The following SND1 variants were observed in gnomAD, a reference collection of about 807,000 sequenced individuals.
The protein encoded by SND1 is staphylococcal nuclease and tudor domain containing 1, also known as staphylococcal nuclease domain-containing protein 1.
A neutral mutation model predicts 121.7 loss-of-function variants in SND1; 38 were observed. The observed-to-expected ratio is 0.31, with a 90% CI of 0.24 to 0.41. The LOEUF is 0.41. SND1 is among the 10% of genes least tolerant of loss of function. The pLI is 1.00. For synonymous variants in SND1, 401 were observed against 447.4 expected (o/e 0.90, Z 1.31); for missense variants, 868 against 1,184.6 (o/e 0.73, Z 3.92).
chr7:127,946,984 A>G (rs1357474025), intron 15 of SND1, among the ~76,000 whole-genome samples: 4 of 44,072 alleles, frequency 9.1e-5, no homozygotes, highest in Non-Finnish European at 1.8e-4. Context: ...TCCATCTCAT[A>G]TAGAAAATAT....
intron 1 of SND1, among the ~76,000 whole-genome samples, chr7:127,664,089 G>A (rs751616191): frequency 4.6e-5 from 7 of 152,090 alleles, no homozygotes; most frequent in Non-Finnish European, 8.8e-5. Context: ...GCAGTGGTGC[G>A]ACCACAACTC....
intron 11 of SND1, among the ~76,000 whole-genome samples, chr7:127,834,502 C>G (rs1020742221): frequency 3.3e-5 from 5 of 152,096 alleles, no homozygotes; most frequent in Non-Finnish European, 7.4e-5. Flanking sequence ...GCAGGATGGT[C>G]TTTGATCGGT....
chr7:128,005,091 C>G (rs1802928115), intron 16 of SND1, among the ~76,000 whole-genome samples: 1 of 152,212 alleles, frequency 6.6e-6, no homozygotes, highest in Admixed American at 6.5e-5. Flanking sequence ...CTTTCCTGTC[C>G]AGAATTATAG....
intron 12 of SND1, among the ~76,000 whole-genome samples, chr7:127,868,818 A>T (rs1799524634): frequency 6.6e-6 from 1 of 152,110 alleles, no homozygotes; most frequent in Non-Finnish European, 1.5e-5. Context: ...CATGAACATT[A>T]TATGGTTGTT....
intron 13 of SND1, among the ~76,000 whole-genome samples, chr7:127,893,277 G>A (rs1191018753): frequency 1.3e-5 from 2 of 152,126 alleles, no homozygotes; most frequent in East Asian, 3.9e-4. Flanking sequence ...TGTTGAGCAT[G>A]TTATGGACAC....
intron 10 of SND1, among the ~76,000 whole-genome samples, chr7:127,786,769 G>A (rs1482894019): frequency 1.3e-5 from 2 of 151,848 alleles, no homozygotes; most frequent in African/African-American, 2.4e-5. Flanking sequence ...TCAGCCTCCC[G>A]TGTAGCTGGG....
At chr7:127,702,923 G>A (rs1796128591) in intron 6 of SND1, among the ~76,000 whole-genome samples, 1 of 152,124 alleles carries the variant, frequency 6.6e-6, no homozygotes. Context: ...ACTTTTTACT[G>A]TAATTAAAAT....
intron 10 of SND1, among the ~76,000 whole-genome samples, chr7:127,746,153 T>C (rs1477270697): frequency 6.6e-6 from 1 of 152,186 alleles, no homozygotes; most frequent in African/African-American, 2.4e-5. Flanking sequence ...AGGGAAACGG[T>C]AGGGAGTACC....
chr7:127,830,787 C>T (rs1430518520), intron 11 of SND1, among the ~76,000 whole-genome samples: 1 of 152,112 alleles, frequency 6.6e-6, no homozygotes, highest in East Asian at 1.9e-4. Flanking sequence ...TCTACTGAAA[C>T]TGTTCTTCCC....
intron 17 of SND1, among the ~76,000 whole-genome samples, chr7:128,076,948 C>T (rs546735483): frequency 6.6e-6 from 1 of 152,310 alleles, no homozygotes; most frequent in African/African-American, 2.4e-5. Flanking sequence ...TAGGGCTCTC[C>T]ACTTCCTTGG....
In SND1 at chr7:127,659,728, A is replaced by G. The variant is rs537808540; in HGVS notation, c.78+7277A>G. Among the ~76,000 whole-genome samples the G allele has an allele frequency of 2.0e-5, 3 of 152,316 alleles. No homozygotes were observed. The South Asian group carries it at 6.2e-4, about 32-fold the overall frequency. ...AGCAGCATGGCAGAGAGAAGAGATC[A>G]TTGGCCCAGAAGTCAGGGGACACAA... On this transcript the variant is annotated intron_variant, in intron 1 of 23. Coordinates refer to ENST00000354725, the MANE Select transcript of SND1 (RefSeq NM_014390.4).
At chr7:127,917,657 A>C in intron 14 of SND1, among the ~76,000 whole-genome samples, 1 of 152,172 alleles carries the variant, frequency 6.6e-6, no homozygotes, top group East Asian at 1.9e-4. Flanking sequence ...TCCTGAGCTC[A>C]AGTGATTCTC....
chr7:127,827,927 T>A (rs1263397610), intron 11 of SND1, among the ~76,000 whole-genome samples: 1 of 152,202 alleles, frequency 6.6e-6, no homozygotes, highest in Non-Finnish European at 1.5e-5. Context: ...TACATTTATT[T>A]GCATTACTTT....
At chr7:127,941,648 G>A (rs1208489265) in intron 15 of SND1, among the ~76,000 whole-genome samples, 2 of 152,138 alleles carry the variant, frequency 1.3e-5, no homozygotes, top group African/African-American at 4.8e-5. Context: ...CAGCCCCTGT[G>A]CTAGGCATGC....
chr7:127,703,369 T>C (rs1257812236), intron 7 of SND1, 46 bp downstream of exon 7: 5 of 1,599,774 alleles, frequency 3.1e-6, no homozygotes, highest in Non-Finnish European at 4.3e-6. Flanking sequence ...TAGGGATGCA[T>C]TTGGGGTTTG....
At chr7:128,017,379 G>A (rs1373660072) in intron 16 of SND1, among the ~76,000 whole-genome samples, 1 of 152,172 alleles carries the variant, frequency 6.6e-6, no homozygotes, top group Non-Finnish European at 1.5e-5. Context: ...GACATGAGGG[G>A]GCTACGTAAG....
chr7:128,057,407 A>G (rs1793160781), intron 16 of SND1, among the ~76,000 whole-genome samples: 1 of 152,342 alleles, frequency 6.6e-6, no homozygotes, highest in South Asian at 2.1e-4. Context: ...TCGTTTAACA[A>G]GATTAAAGTT....
chr7:127,946,262 G>A (rs1006717442), intron 15 of SND1, among the ~76,000 whole-genome samples: 1 of 152,230 alleles, frequency 6.6e-6, no homozygotes, highest in Non-Finnish European at 1.5e-5. Context: ...CATAGAGCAA[G>A]AGAGAGCAGG....
chr7:128,082,057 T>A, intron 18 of SND1: 1 of 491,026 alleles, frequency 2.0e-6, no homozygotes, highest in Admixed American at 2.1e-5. Flanking sequence ...CTGAAGGACC[T>A]TCTCCTCCTT....
Sources: gnomAD v4.1 joint callset for allele counts (sites outside exome capture counted in the v4.1 genomes callset) on GRCh38, gnomAD v4.1.1 for gene constraint, MANE v1.5 for transcripts, NCBI Gene and HGNC (gene_info 2026-07-23, HGNC 2026-07-21) for gene names.